Variants in LAMB1 observed in about 807,000 individuals in gnomAD.
LAMB1 encodes laminin subunit beta 1.
LAMB1 carries 121 observed loss-of-function variants against 222.3 expected under a neutral mutation model. The ratio of observed to expected loss-of-function variants is 0.54; its 90% confidence interval spans 0.47 to 0.63. LAMB1 has a LOEUF of 0.63. Ranked by LOEUF, LAMB1 falls within the 30% of genes least tolerant of loss-of-function variation. LAMB1 has a pLI of 0.00. For synonymous variants in LAMB1, 794 were observed against 807.2 expected, an observed-to-expected ratio of 0.98 and a Z score of 0.28; for missense variants, 2,172 against 2,240.8, an observed-to-expected ratio of 0.97 and a Z score of 0.62.
chr7:107,949,478 G>C (rs1011920495), intron 24 of LAMB1, among the ~76,000 whole-genome samples: 3 of 152,210 alleles, frequency 2.0e-5, no homozygotes, highest in Non-Finnish European at 4.4e-5. Flanking sequence ...GAATTTAACA[G>C]AGTAGTGATT....
intron 20 of LAMB1, among the ~76,000 whole-genome samples, chr7:107,956,031 G>A (rs879919179): frequency 2.6e-5 from 4 of 152,220 alleles, no homozygotes; most frequent in Non-Finnish European, 4.4e-5. Flanking sequence ...CAGGTAGCTG[G>A]GATTATAGGC....
chr7:107,964,459 A>G (rs2033582848), intron 14 of LAMB1, 93 bp downstream of exon 14: 1 of 1,456,906 alleles, frequency 6.9e-7, no homozygotes, highest in East Asian at 2.3e-5. Flanking sequence ...AAGCTATAAA[A>G]ATGCTTCTGA....
In LAMB1 at chr7:107,981,088, G is replaced by T. The variant is rs183250966; in HGVS notation, c.677-277C>A. On this transcript the variant is annotated intron_variant, in intron 7 of 33. Transcript: ENST00000222399. ...GCACTTTGGGAGGCCAAGGCAGGTG[G>T]ATCACTTGAGGTCAGGAGTTCGAGA... Among the ~76,000 whole-genome samples the T allele has an allele frequency of 1.7e-3, 259 of 152,252 alleles. 4 individuals carry two copies. Among genetic ancestry groups the T allele is most frequent in the African/African-American group, 6.1e-3 (253 of 41,562 alleles).
At chr7:108,002,038 T>C in intron 2 of LAMB1, 1 of 1,440,788 alleles carries the variant, frequency 6.9e-7, no homozygotes, top group Non-Finnish European at 9.1e-7. Context: ...GGGGAGCAGC[T>C]CCCCCAACAA....
At chr7:107,994,035 T>C (rs1031858475) in intron 5 of LAMB1, among the ~76,000 whole-genome samples, 7 of 152,328 alleles carry the variant, frequency 4.6e-5, no homozygotes, top group African/African-American at 1.7e-4. Context: ...ACATGGTAAA[T>C]CTATCCTTGG....
intron 5 of LAMB1, among the ~76,000 whole-genome samples, chr7:107,992,648 C>A (rs1253223344): frequency 1.3e-5 from 2 of 152,222 alleles, no homozygotes; most frequent in Admixed American, 6.5e-5. Context: ...GTAATCCCAG[C>A]ACTTTGGGAG....
chr7:107,944,500 T>G (rs1294424916), intron 24 of LAMB1, among the ~76,000 whole-genome samples: 10 of 152,166 alleles, frequency 6.6e-5, no homozygotes. Flanking sequence ...ATGACCGGAT[T>G]GCAGTGTCAT....
At chr7:107,961,389 T>C (rs2033496863) in intron 16 of LAMB1, 60 bp from the exon 17 acceptor site, 1 of 1,594,342 alleles carries the variant, frequency 6.3e-7, no homozygotes. Context: ...ATCCAAAAAA[T>C]AAAAATTAAA....
Position 107,998,406 on chromosome 7 carries a change from G to A in LAMB1, c.300C>T (p.Val100=), listed in dbSNP as rs2034319768. 1 of 1,613,712 alleles carries A rather than the reference G, an allele frequency of 6.2e-7. No homozygotes were observed. The highest frequency in any genetic ancestry group is 8.5e-7 in the Non-Finnish European group (1 of 1,179,762). ...NPDSHLIENV[V]TTFAPNRLKI... ...TAAGGCGGTTTGGAGCAAATGTAGT[G>A]ACCACATTTTCAATGAGATGGCTGT... is the stretch of plus-strand genomic sequence containing the variant. The change falls in exon 4 of 34, where the codon GTC becomes GTT. Residue 100 remains valine, a synonymous_variant. Transcript: ENST00000222399.
chr7:107,953,728 C>T lies in LAMB1; in HGVS notation c.2881G>A (p.Gly961Arg), dbSNP rs1217004971. Reference sequence around the variant, plus strand: ...ACTTCTGATGGATTGCCAAAGTATCCTGAGGCACAGTCGTCACATCTGGAA... The same window carrying T: ...ACTTCTGATGGATTGCCAAAGTATCTTGAGGCACAGTCGTCACATCTGGAA... Reference protein sequence around the residue: ...IGSRCDDCASGYFGNPSEVGG... With the variant: ...IGSRCDDCASRYFGNPSEVGG... The change falls in exon 22 of 34, where the codon GGA becomes AGA. Residue 961 changes from glycine (G) to arginine (R), a missense_variant. Physicochemically the swap from Gly to Arg is moderately radical, Grantham distance 125 (BLOSUM62 -2). Transcript: ENST00000222399. 1.2e-6 allele frequency: 2 copies of T among 1,614,158 alleles called. No homozygotes were observed. Among genetic ancestry groups the T allele is most frequent in the Admixed American group, 1.7e-5 (1 of 60,018 alleles).
At chr7:107,993,887 G>A (rs1584540672) in intron 5 of LAMB1, among the ~76,000 whole-genome samples, 1 of 152,132 alleles carries the variant, frequency 6.6e-6, no homozygotes, top group East Asian at 1.9e-4. Flanking sequence ...AGGCTGCTGG[G>A]GAGTGGGCAA....
intron 4 of LAMB1, among the ~76,000 whole-genome samples, chr7:107,997,080 T>C (rs1295721020): frequency 1.3e-5 from 2 of 152,172 alleles, no homozygotes; most frequent in Admixed American, 1.3e-4. Flanking sequence ...GGCCAACCAA[T>C]GAACAAACCA....
At chr7:107,996,539 A>G (rs2034284516) in intron 4 of LAMB1, among the ~76,000 whole-genome samples, 1 of 152,228 alleles carries the variant, frequency 6.6e-6, no homozygotes. Context: ...GTGATCAGAC[A>G]ACAGAGAGAT....
Position 107,975,478 on chromosome 7 carries a change from C to CAT in LAMB1, c.1190-67_1190-66dup. The CAT allele has an allele frequency of 2.1e-6, 3 of 1,429,814 alleles. No homozygotes were observed. In the South Asian group the frequency reaches 4.1e-5, roughly 20 times the overall value. 88.6% of individuals were successfully genotyped at this position (1,429,814 alleles called of 1,614,324 possible). ...AACTCAATGTATCTTTGTATAAATA[C>CAT]ATATATTCCCTTCCTCCCTCTAAAT... On this transcript the variant is annotated intron_variant, in intron 10 of 33. Transcript: ENST00000222399.
At chr7:108,003,076 T>A (rs2395935) in intron 1 of LAMB1, 35 bp downstream of exon 1, 4 of 1,310,514 alleles carry the variant, frequency 3.1e-6, no homozygotes, top group East Asian at 2.6e-5. Flanking sequence ...GGCTGGAAAG[T>A]GGGGAAAATC....
At chr7:107,993,766 C>CT (rs1424352717) in intron 5 of LAMB1, among the ~76,000 whole-genome samples, 1 of 152,190 alleles carries the variant, frequency 6.6e-6, no homozygotes, top group Non-Finnish European at 1.5e-5. Context: ...AAGGGACAAG[C>CT]GGTTGGTGAC....
At chr7:107,978,707 A>T (rs1477902403) in intron 8 of LAMB1, among the ~76,000 whole-genome samples, 1 of 152,186 alleles carries the variant, frequency 6.6e-6, no homozygotes, top group East Asian at 1.9e-4. Context: ...AAATTTTAAA[A>T]ATTAATCATT....
rs1394674595 is a variant in LAMB1, at chr7:107,931,377, G to C, written c.4516C>G (p.Gln1506Glu). 6.2e-7 allele frequency: 1 copy of C among 1,613,256 alleles called. No homozygotes were observed. The change falls in exon 29 of 34, where the codon CAA (glutamine) becomes GAA (glutamate). Residue 1506 changes from glutamine (Q) to glutamate (E), a missense_variant. By Grantham distance (29) the Gln-to-Glu change is conservative. Transcript: ENST00000222399. ...SNEELRNLIKQIRNFLTQDSA... is the reference protein window; with the variant it reads ...SNEELRNLIKEIRNFLTQDSA... ...TTACGGGTCAAAAAGTTTCTGATTT[G>C]CTTGATTAGATTTCTCAGCTCCTCA...
At chr7:107,951,530 A>G (rs377595592) in intron 23 of LAMB1, among the ~76,000 whole-genome samples, 1 of 152,214 alleles carries the variant, frequency 6.6e-6, no homozygotes, top group East Asian at 1.9e-4. Flanking sequence ...GGGCTTGGAA[A>G]GGTCTGTGGC....
Sources: gnomAD v4.1 joint callset for allele counts (sites outside exome capture counted in the v4.1 genomes callset) on GRCh38, gnomAD v4.1.1 for gene constraint, MANE v1.5 for transcripts, NCBI Gene and HGNC (gene_info 2026-07-23, HGNC 2026-07-21) for gene names.